PEX16: variants seen among roughly 807,000 people sequenced by gnomAD.
PEX16 encodes peroxisomal biogenesis factor 16.
Under a neutral mutation model 50.5 loss-of-function variants are expected in PEX16, and 37 were observed. The ratio of observed to expected loss-of-function variants is 0.73; its 90% CI spans 0.56 to 0.96. The LOEUF is 0.96. Among genes scored for constraint, PEX16 ranks in the 40% least tolerant of loss-of-function variants. The probability of loss-of-function intolerance (pLI) is 0.00; values close to 1 mark genes in which losing one functional copy is unlikely to be tolerated. For synonymous variants in PEX16, 185 were observed against 190.3 expected (o/e 0.97, Z 0.23); for missense variants, 401 against 438.3 (o/e 0.91, Z 0.76).
chr11:45,912,504 A>AAAAC (rs747392081), intron 9 of PEX16, among the ~76,000 whole-genome samples: 68 of 152,196 alleles, frequency 4.5e-4, no homozygotes, highest in Admixed American at 7.9e-4. Flanking sequence ...CTCCATCTCA[A>AAAAC]AAACAAACAA....
chr11:45,917,878 G>T (rs886048329), upstream of PEX16: 1 of 1,165,926 alleles, frequency 8.6e-7, no homozygotes, highest in Non-Finnish European at 1.2e-6. Context: ...TGCTTCCTGC[G>T]CCCTCCTTCC....
intron 2 of PEX16, chr11:45,917,210 A>G: frequency 1.4e-6 from 1 of 697,064 alleles, no homozygotes. Flanking sequence ...AAGTAAAGGT[A>G]AGAAAGGCAC....
Position 45,914,365 on chromosome 11 carries a change from C to A in PEX16, c.645G>T (p.Leu215=), listed in dbSNP as rs769516596. 1.1e-5 allele frequency: 17 copies of A among 1,611,288 alleles called. No homozygotes were observed. The South Asian group carries it at 1.6e-4, about 16-fold the overall frequency. The change falls in exon 7 of 11, where the codon CTG becomes CTT. Residue 215 remains leucine (L), a synonymous_variant. Transcript: ENST00000378750. ...ACAAAAACTCTGCGATGGTCTCCTGCAGCCCCAGGGGGGTGGGGGTCGCAC... is the reference window on the plus strand; with the variant it reads ...ACAAAAACTCTGCGATGGTCTCCTGAAGCCCCAGGGGGGTGGGGGTCGCAC... ...ELSATPTPLG[L]QETIAEFLYI... is the part of the protein sequence containing the mutation.
At chr11:45,918,228 T>C (rs1209902134), upstream of PEX16, 1 of 283,492 alleles carries the variant, frequency 3.5e-6, no homozygotes, top group African/African-American at 2.2e-5. Context: ...GTCTTTCCAA[T>C]GGAACGCCGA....
intron 9 of PEX16, among the ~76,000 whole-genome samples, chr11:45,913,008 T>A (rs944367902): frequency 5.9e-4 from 90 of 151,984 alleles, no homozygotes; most frequent in East Asian, 1.2e-3. Context: ...ATTTTTTTTT[T>A]TTTTTTGTAG....
chr11:45,913,870 A>G lies in PEX16; in HGVS notation c.836T>C (p.Ile279Thr). The change falls in exon 9 of 11, where the codon ATC becomes ACC. Residue 279 changes from isoleucine to threonine, a missense_variant. By Grantham distance (89) the Ile-to-Thr change is moderately conservative. Coordinates refer to ENST00000378750, the MANE Select transcript of PEX16 (RefSeq NM_004813.4). ...RERRELRRRTILLLYYLLRSP... is the reference protein window; with the variant it reads ...RERRELRRRTTLLLYYLLRSP... ...GCGCAGCAGGTAGTAGAGCAGCAGG[A>G]TGGTCCGGCGCCGCAGCTCCCGCCG... 1 of 1,613,238 alleles carries G rather than the reference A, an allele frequency of 6.2e-7. No homozygotes were observed. The highest frequency in any genetic ancestry group is 1.7e-4 in the Middle Eastern group (1 of 6,054).
rs772953974 is a variant in PEX16 at position 45,914,411 on chromosome 11, T to C, written c.599A>G (p.Gln200Arg). Residue 200 changes from glutamine (Q) to arginine (R), a missense_variant, in exon 7 of 11, where the codon CAG (glutamine) becomes CGG (arginine). Gln to Arg is a conservative substitution (Grantham distance 43). Transcript: ENST00000378750. ...CGCACTCAGCTCCTCGTGATGCTGC[T>C]GCTGCCGTCCCTCCCGCTGCTGGGG... Reference protein sequence around the residue: ...GAPQQREGRQQQHHEELSATP... With the variant: ...GAPQQREGRQRQHHEELSATP... The C allele has an allele frequency of 6.2e-7, 1 of 1,609,398 alleles. No homozygotes were observed. The highest frequency in any genetic ancestry group is 8.5e-7 in the Non-Finnish European group (1 of 1,180,002).
At chr11:45,910,368 G>A (rs187455060) in intron 10 of PEX16, 56 bp from the exon 11 acceptor site, 250 of 1,392,064 alleles carry the variant, frequency 1.8e-4, no homozygotes, top group Non-Finnish European at 2.4e-4. Flanking sequence ...GCACTGTGGC[G>A]CCACATACAG....
chr11:45,914,036 G>A (rs1461886382), intron 8 of PEX16, 95 bp downstream of exon 8: 1 of 1,578,384 alleles, frequency 6.3e-7, no homozygotes. Flanking sequence ...GCAGCAACAG[G>A]AGGAGCAGGG....
intron 2 of PEX16, 132 bp downstream of exon 2, chr11:45,917,326 C>A: frequency 1.3e-6 from 1 of 793,288 alleles, no homozygotes; most frequent in Non-Finnish European, 2.2e-6. Context: ...AGACCTTGTG[C>A]CGATTCAGTC....
Position 45,909,779 on chromosome 11 carries a change from G to A in PEX16, c.*475C>T, listed in dbSNP as rs1162358005. On this transcript the variant is annotated 3_prime_UTR_variant, in exon 11 of 11. Transcript: ENST00000378750. ...GCTCTGTCACAGGGAGGCTGGCAAC[G>A]CCATGGCCTGGGGCTGCCAGAGCCA... The A allele has an allele frequency of 4.4e-6, 2 of 459,064 alleles. No individual in the cohort carries two copies. Among genetic ancestry groups the A allele is most frequent in the Non-Finnish European group, 4.0e-6 (1 of 249,588 alleles). 28.4% of individuals were successfully genotyped at this position (459,064 alleles called of 1,614,324 possible). A position where few individuals can be genotyped will look rare whatever the true frequency, so the allele number is the denominator to read the frequency against.
At chr11:45,913,266 G>A (rs1243430507) in intron 9 of PEX16, among the ~76,000 whole-genome samples, 1 of 152,164 alleles carries the variant, frequency 6.6e-6, no homozygotes, top group African/African-American at 2.4e-5. Flanking sequence ...GCAGGCCTGT[G>A]GAAGAACTAG....
At position 45,917,827 on chromosome 11, in the gene PEX16, G is replaced by T. The variant is rs1340915685; in HGVS notation, c.-16C>A. On this transcript the variant is annotated 5_prime_UTR_variant, in exon 1 of 11. Coordinates refer to ENST00000378750, the MANE Select transcript of PEX16 (RefSeq NM_004813.4). ...GCTTCTCCATCCTGCCCTCGGCACC[G>T]ACAGACCCACAGAAGGACCGTACGA... The T allele has an allele frequency of 2.6e-6, 4 of 1,510,524 alleles. No individual in the cohort carries two copies. The highest frequency in any genetic ancestry group is 3.6e-6 in the Non-Finnish European group (4 of 1,121,392). 93.6% of individuals were successfully genotyped at this position (1,510,524 alleles called of 1,614,324 possible). A position where few individuals can be genotyped will look rare whatever the true frequency, so the allele number is the denominator to read the frequency against.
chr11:45,917,204 A>G (rs1336020680), intron 2 of PEX16: 1 of 696,368 alleles, frequency 1.4e-6, no homozygotes, highest in Non-Finnish European at 2.6e-6. Context: ...ATTAACAAGT[A>G]AAGGTAAGAA....
At chr11:45,910,703 C>T (rs1017623732) in intron 10 of PEX16, among the ~76,000 whole-genome samples, 195 bp downstream of exon 10, 2 of 152,346 alleles carry the variant, frequency 1.3e-5, no homozygotes, top group Middle Eastern at 3.4e-3. Context: ...CAGTGGACAC[C>T]CTCCTTCCAG....
chr11:45,910,189 A>G lies in PEX16; in HGVS notation c.*65T>C, dbSNP rs16938413. ...CGCACGCTGGGACGCTGCCGGAGTC[A>G]GTTTTATTAGGGAAGAGGGGCTCCC... On this transcript the variant is annotated 3_prime_UTR_variant, in exon 11 of 11. Transcript: ENST00000378750. 3,392 of 1,612,798 alleles carry G rather than the reference A, an allele frequency of 2.1e-3. 32 individuals carry two copies. In the African/African-American group the frequency reaches 0.022, roughly 11 times the overall value.
upstream of PEX16, chr11:45,917,924 A>T: frequency 1.3e-6 from 1 of 795,658 alleles, no homozygotes; most frequent in East Asian, 2.7e-5. Context: ...TGGTTGCTTA[A>T]CTTCCGCGGG....
In PEX16 at chr11:45,917,513, GGAGGT is replaced by G; in HGVS notation, c.113-25_113-21del. On this transcript the variant is annotated intron_variant, in intron 1 of 10. Coordinates refer to ENST00000378750, the MANE Select transcript of PEX16 (RefSeq NM_004813.4). ...ATCGACCTGGGGAGAGGGTACAGAA[GGAGGT>G]GTGAGTGAGCATCTGCCTCACATTT... 1 of 1,613,920 alleles carries G rather than the reference GGAGGT, an allele frequency of 6.2e-7. No individual in the cohort carries two copies. The highest frequency in any genetic ancestry group is 8.5e-7 in the Non-Finnish European group (1 of 1,179,888).
At chr11:45,917,644 C>A (rs1478077179) in intron 1 of PEX16, 56 bp downstream of exon 1, 1 of 1,485,482 alleles carries the variant, frequency 6.7e-7, no homozygotes, top group Non-Finnish European at 9.2e-7. Context: ...GGGAAGGGGG[C>A]CACTGGGGTC....
Sources: gnomAD v4.1 joint callset for allele counts (sites outside exome capture counted in the v4.1 genomes callset) on GRCh38, gnomAD v4.1.1 for gene constraint, MANE v1.5 for transcripts, NCBI Gene and HGNC (gene_info 2026-07-23, HGNC 2026-07-21) for gene names.